Variants in IPCEF1 observed in about 807,000 individuals in gnomAD.
IPCEF1 encodes the protein interaction protein for cytohesin exchange factors 1, also known as interactor protein for cytohesin exchange factors 1.
IPCEF1 carries 31 observed loss-of-function variants against 50.9 expected under a neutral mutation model. The ratio of observed to expected loss-of-function variants is 0.61; its 90% CI spans 0.46 to 0.82. The LOEUF is 0.82. Ranked by LOEUF, IPCEF1 falls within the 40% of genes least tolerant of loss-of-function variation. The pLI is 0.00. For synonymous variants in IPCEF1, 181 were observed against 192.0 expected (o/e 0.94, Z 0.47); for missense variants, 458 against 514.0 (o/e 0.89, Z 1.05).
chr6:154,212,108 C>T (rs1192476906), intron 9 of IPCEF1, among the ~76,000 whole-genome samples: 1 of 152,152 alleles, frequency 6.6e-6, no homozygotes, highest in Non-Finnish European at 1.5e-5. Flanking sequence ...AGGTATAAAA[C>T]CAAAAATCAC....
At chr6:154,233,005 G>C (rs551837053) in intron 5 of IPCEF1, among the ~76,000 whole-genome samples, 25 of 121,760 alleles carry the variant, frequency 2.1e-4, no homozygotes, top group Admixed American at 1.7e-3. Context: ...TCTTATTCTT[G>C]TCACCCAGGC....
At chr6:154,289,541 G>C (rs2128668368) in intron 2 of IPCEF1, among the ~76,000 whole-genome samples, 172 bp downstream of exon 2, 1 of 151,944 alleles carries the variant, frequency 6.6e-6, no homozygotes, top group East Asian at 1.9e-4. Context: ...ACCAAAGATA[G>C]TCAGTAATGC....
intron 1 of IPCEF1, among the ~76,000 whole-genome samples, chr6:154,347,544 G>A (rs958023464): frequency 3.9e-5 from 6 of 152,252 alleles, no homozygotes; most frequent in Non-Finnish European, 8.8e-5. Flanking sequence ...CACACAGCCA[G>A]TGGGGCTGGG....
At chr6:154,258,369 C>A (rs1436432022) in intron 3 of IPCEF1, among the ~76,000 whole-genome samples, 1 of 152,168 alleles carries the variant, frequency 6.6e-6, no homozygotes, top group Non-Finnish European at 1.5e-5. Context: ...GAATGGGACC[C>A]AGCCAGTCAG....
chr6:154,167,899 C>T, intron 11 of IPCEF1, 21 bp downstream of exon 11: 1 of 1,550,910 alleles, frequency 6.4e-7, no homozygotes, highest in Non-Finnish European at 8.8e-7. Context: ...AGAGTTCATC[C>T]ACAATTTGAA....
chr6:154,288,869 G>T (rs1195211393), intron 2 of IPCEF1, among the ~76,000 whole-genome samples: 1 of 152,040 alleles, frequency 6.6e-6, no homozygotes, highest in African/African-American at 2.4e-5. Context: ...TGAGAGATCA[G>T]CTTGGGCAAC....
At chr6:154,257,398 T>C (rs1011858057) in intron 3 of IPCEF1, among the ~76,000 whole-genome samples, 1 of 152,214 alleles carries the variant, frequency 6.6e-6, no homozygotes, top group Non-Finnish European at 1.5e-5. Flanking sequence ...CAGGTGCCTA[T>C]CCAGCTCATG....
At chr6:154,200,191 T>C (rs923474505) in intron 9 of IPCEF1, 151 bp from the exon 10 acceptor site, 3 of 720,056 alleles carry the variant, frequency 4.2e-6, no homozygotes, top group Non-Finnish European at 4.4e-6. Context: ...ATGATATTTA[T>C]TTCTGTTTGA....
intron 1 of IPCEF1, among the ~76,000 whole-genome samples, chr6:154,301,906 T>G (rs1782806078): frequency 6.6e-6 from 1 of 152,260 alleles, no homozygotes. Flanking sequence ...ATTGAAGGCT[T>G]GAAGGCATTT....
chr6:154,288,934 A>T (rs1393702612), intron 2 of IPCEF1, among the ~76,000 whole-genome samples: 6 of 151,780 alleles, frequency 4.0e-5, no homozygotes, highest in Non-Finnish European at 5.9e-5. Context: ...GCATGGTGGC[A>T]TACTTGGGAG....
chr6:154,236,912 G>C (rs1405094971), intron 5 of IPCEF1, among the ~76,000 whole-genome samples: 2 of 152,136 alleles, frequency 1.3e-5, no homozygotes, highest in African/African-American at 4.8e-5. Context: ...CCTTTTCCTT[G>C]CATCTTTTTT....
intron 5 of IPCEF1, among the ~76,000 whole-genome samples, chr6:154,239,806 C>A (rs141793129): frequency 6.6e-6 from 1 of 152,190 alleles, no homozygotes; most frequent in Admixed American, 6.5e-5. Context: ...CATGTTCAAG[C>A]AATTCTCTTG....
chr6:154,301,000 A>T (rs1457625763), intron 1 of IPCEF1, among the ~76,000 whole-genome samples: 1 of 152,208 alleles, frequency 6.6e-6, no homozygotes, highest in Non-Finnish European at 1.5e-5. Flanking sequence ...ATAATCAATA[A>T]ATCTATAAAA....
At chr6:154,237,750 C>T (rs1780247398) in intron 5 of IPCEF1, among the ~76,000 whole-genome samples, 1 of 152,118 alleles carries the variant, frequency 6.6e-6, no homozygotes, top group African/African-American at 2.4e-5. Context: ...ATCCACCTTA[C>T]TGCTGGCTTG....
intron 5 of IPCEF1, among the ~76,000 whole-genome samples, chr6:154,237,252 A>G (rs1414308808): frequency 1.3e-5 from 2 of 152,232 alleles, no homozygotes; most frequent in African/African-American, 4.8e-5. Flanking sequence ...AAATGTGCCC[A>G]CACCCTCACC....
chr6:154,232,289 T>C (rs959395521), intron 5 of IPCEF1, among the ~76,000 whole-genome samples: 4 of 152,382 alleles, frequency 2.6e-5, no homozygotes, highest in African/African-American at 9.6e-5. Flanking sequence ...TGTTTTATTT[T>C]CTTCTAGATA....
intron 2 of IPCEF1, among the ~76,000 whole-genome samples, chr6:154,284,602 T>A (rs1010754124): frequency 5.9e-5 from 9 of 152,166 alleles, no homozygotes; most frequent in Admixed American, 3.9e-4. Flanking sequence ...ATGGTGGTGT[T>A]GCAGGATGGT....
chr6:154,302,378 G>T (rs897379086), intron 1 of IPCEF1, among the ~76,000 whole-genome samples: 1 of 152,146 alleles, frequency 6.6e-6, no homozygotes, highest in Non-Finnish European at 1.5e-5. Flanking sequence ...TGATATGGTG[G>T]GGGGAGTCTG....
intron 3 of IPCEF1, among the ~76,000 whole-genome samples, chr6:154,250,102 GA>G (rs936153392): frequency 1.3e-5 from 2 of 152,086 alleles, no homozygotes; most frequent in African/African-American, 4.8e-5. Flanking sequence ...ACATGAATTT[GA>G]AACCTAAATT....
Sources: allele counts gnomAD v4.1 joint callset (sites outside exome capture counted in the v4.1 genomes callset), GRCh38; gene constraint gnomAD v4.1.1; transcripts MANE v1.5; gene names NCBI Gene and HGNC (gene_info 2026-07-23, HGNC 2026-07-21).